TPTE: variants seen among roughly 807,000 people sequenced by gnomAD.
The protein encoded by TPTE is transmembrane phosphatase with tensin homology.
A neutral mutation model predicts 84.1 loss-of-function variants in TPTE; 59 were observed. The ratio of observed to expected loss-of-function variants is 0.70; its 90% CI spans 0.57 to 0.87. The LOEUF (loss-of-function observed/expected upper bound fraction) is 0.87, where lower values mean the gene tolerates loss of function less well. TPTE is among the 40% of genes least tolerant of loss of function. TPTE has a pLI of 0.00. For synonymous variants in TPTE, 130 were observed against 223.5 expected (o/e 0.58, Z 3.73); for missense variants, 382 against 659.6 (o/e 0.58, Z 4.61).
intron 19 of TPTE, among the ~76,000 whole-genome samples, chr21:10,593,526 G>A (rs2075525060): frequency 6.6e-6 from 1 of 152,428 alleles, no homozygotes; most frequent in South Asian, 2.1e-4. Flanking sequence ...CAGAAACCAG[G>A]ATGTTTATCC....
chr21:10,555,808 A>T (rs541010518), intron 8 of TPTE, among the ~76,000 whole-genome samples: 1 of 152,428 alleles, frequency 6.6e-6, no homozygotes, highest in African/African-American at 2.4e-5. Context: ...ATCAATGTTT[A>T]TATTTAAATG....
At chr21:10,552,584 A>G (rs1350071114) in intron 7 of TPTE, 73 bp from the exon 8 acceptor site, 4 of 1,605,228 alleles carry the variant, frequency 2.5e-6, no homozygotes, top group Admixed American at 1.7e-5. Flanking sequence ...TGCTATTCAA[A>G]TATATTTTTC....
At chr21:10,547,177 T>C (rs1156394444) in intron 7 of TPTE, among the ~76,000 whole-genome samples, 1 of 152,310 alleles carries the variant, frequency 6.6e-6, no homozygotes, top group African/African-American at 2.4e-5. Flanking sequence ...TTATGCTAAA[T>C]CAAGCAAGAT....
At chr21:10,567,973 G>A in intron 11 of TPTE, among the ~76,000 whole-genome samples, 184 bp downstream of exon 11, 1 of 152,426 alleles carries the variant, frequency 6.6e-6, no homozygotes. Context: ...TGATATTTAG[G>A]GACCGGTGAA....
chr21:10,534,575 C>T (rs1452345878), intron 3 of TPTE, among the ~76,000 whole-genome samples: 1 of 152,302 alleles, frequency 6.6e-6, no homozygotes, highest in African/African-American at 2.4e-5. Flanking sequence ...TTCTTTAGCT[C>T]TGACCCAAAT....
At position 10,569,739 on chromosome 21, in the gene TPTE, C is replaced by T. The variant is rs112131828; in HGVS notation, c.723C>T (p.Tyr241=). The change falls in exon 13 of 24, where the codon TAC becomes TAT. Residue 241 remains tyrosine (Y), a synonymous_variant. Coordinates refer to ENST00000618007, the MANE Select transcript of TPTE (RefSeq NM_199261.4). The part of the protein sequence containing the change: ...TRDGFDLDLT[Y]VTERIIAMSF... ...ATGGATTTGACCTAGACCTCACTTACGTTACAGGTTTGTGACACTTAACCG... is the reference window on the plus strand; with the variant it reads ...ATGGATTTGACCTAGACCTCACTTATGTTACAGGTTTGTGACACTTAACCG... 2.0e-5 allele frequency: 33 copies of T among 1,613,940 alleles called. No individual in the cohort carries two copies. The highest frequency in any genetic ancestry group is 1.5e-4 in the African/African-American group (11 of 75,052).
chr21:10,599,831 G>GTTAGTTGTTTCT (rs774194351), intron 21 of TPTE, among the ~76,000 whole-genome samples: 4,627 of 135,002 alleles, frequency 0.034, no homozygotes, highest in African/African-American at 0.051. Context: ...TAGTTAGTTG[G>GTTAGTTGTTTCT]TTCTTTCTTT....
rs774840971 is a variant in TPTE, at chr21:10,570,508, C to T, written c.754C>T (p.Pro252Ser). 8.7e-6 allele frequency: 14 copies of T among 1,614,128 alleles called. No individual in the cohort carries two copies. The Admixed American group carries it at 2.3e-4, about 27-fold the overall frequency. Reference sequence around the variant, plus strand: ...AGAACGTATTATTGCTATGTCATTTCCATCTTCTGGAAGGCAGTCTTTCTA... The same window carrying T: ...AGAACGTATTATTGCTATGTCATTTTCATCTTCTGGAAGGCAGTCTTTCTA... ...VTERIIAMSFPSSGRQSFYRN... is the reference protein window; with the variant it reads ...VTERIIAMSFSSSGRQSFYRN... Residue 252 changes from proline (P) to serine (S), a missense_variant, in exon 14 of 24, where the codon CCA becomes TCA. Pro to Ser is a moderately conservative substitution (Grantham distance 74). This residue lies in a region of TPTE where 85 missense variants were observed against 230.9 expected (regional missense o/e 0.37). Coordinates refer to ENST00000618007, the MANE Select transcript of TPTE (RefSeq NM_199261.4).
intron 2 of TPTE, among the ~76,000 whole-genome samples, chr21:10,526,068 T>C (rs1416861603): frequency 1.3e-5 from 2 of 152,308 alleles, no homozygotes; most frequent in Non-Finnish European, 2.9e-5. Flanking sequence ...CCTGTTATGA[T>C]TTATTAGTGT....
intron 3 of TPTE, among the ~76,000 whole-genome samples, chr21:10,528,401 G>C (rs1398480017): frequency 1.3e-5 from 2 of 152,308 alleles, no homozygotes; most frequent in Non-Finnish European, 2.9e-5. Flanking sequence ...ATAGTTTTCT[G>C]GACACTGATT....
chr21:10,579,681 T>A (rs1385948102), intron 17 of TPTE, among the ~76,000 whole-genome samples: 1 of 152,308 alleles, frequency 6.6e-6, no homozygotes, highest in Non-Finnish European at 1.5e-5. Flanking sequence ...CATAATGTTC[T>A]CCAGGTTCGT....
At chr21:10,601,426 C>T (rs1414398629) in intron 21 of TPTE, among the ~76,000 whole-genome samples, 2 of 152,300 alleles carry the variant, frequency 1.3e-5, no homozygotes, top group Non-Finnish European at 2.9e-5. Flanking sequence ...TCAGCTGAAC[C>T]TGGGAGGCAG....
At chr21:10,562,647 T>C (rs1268392738) in intron 10 of TPTE, among the ~76,000 whole-genome samples, 4 of 152,304 alleles carry the variant, frequency 2.6e-5, no homozygotes, top group Non-Finnish European at 5.9e-5. Context: ...TTAGAGTCTT[T>C]TAATAGCAGA....
chr21:10,597,076 T>TGTAG (rs2075602117), intron 20 of TPTE, among the ~76,000 whole-genome samples: 1 of 152,280 alleles, frequency 6.6e-6, no homozygotes, highest in African/African-American at 2.4e-5. Context: ...TTAAAATCAA[T>TGTAG]GTAGAGTTGA....
At position 10,605,678 on chromosome 21, in the gene TPTE, T is replaced by C. The variant is rs1205253111; in HGVS notation, c.*126T>C. 13 of 1,471,312 alleles carry C rather than the reference T, an allele frequency of 8.8e-6. No homozygotes were observed. The highest frequency in any genetic ancestry group is 5.1e-5 in the Admixed American group (2 of 39,270). The allele number at this position is 1,471,312 out of a possible 1,614,324, so 91.1% of individuals were successfully genotyped here. Reference sequence around the variant, plus strand: ...TTATTTATGTTTATATATGTTTATATATGTTCTTCATAAATCTATTACATA... The same window carrying C: ...TTATTTATGTTTATATATGTTTATACATGTTCTTCATAAATCTATTACATA... On this transcript the variant is annotated 3_prime_UTR_variant, in exon 24 of 24. Coordinates refer to ENST00000618007, the MANE Select transcript of TPTE (RefSeq NM_199261.4).
chr21:10,553,925 C>T (rs1363832830), intron 8 of TPTE, among the ~76,000 whole-genome samples: 2 of 152,304 alleles, frequency 1.3e-5, no homozygotes, highest in Admixed American at 6.5e-5. Context: ...CTCTGTAGTT[C>T]TGTAAATAGG....
In TPTE at chr21:10,531,428, A is replaced by G. The variant is rs1479671405; in HGVS notation, c.-44+4016A>G. 5.6e-4 allele frequency among the ~76,000 whole-genome samples: 85 copies of G among 152,382 alleles called. No homozygotes were observed. The South Asian group carries it at 0.016, about 29-fold the overall frequency. On this transcript the variant is annotated intron_variant, in intron 3 of 23. Coordinates refer to ENST00000618007, the MANE Select transcript of TPTE (RefSeq NM_199261.4). Reference sequence around the variant, plus strand: ...AGTTCCCCTTCATCTTCCACCATAAATGGGAGCAGCCTCAGAAGCAGATGT... The same window carrying G: ...AGTTCCCCTTCATCTTCCACCATAAGTGGGAGCAGCCTCAGAAGCAGATGT...
chr21:10,538,979 T>G (rs1025945189), intron 4 of TPTE, among the ~76,000 whole-genome samples: 9 of 152,312 alleles, frequency 5.9e-5, no homozygotes, highest in Admixed American at 2.0e-4. Context: ...GAGTGGTTTT[T>G]AACAGGATTT....
chr21:10,601,880 C>T (rs555689439), intron 21 of TPTE, among the ~76,000 whole-genome samples, 178 bp from the exon 22 acceptor site: 141 of 152,190 alleles, frequency 9.3e-4, no homozygotes, highest in African/African-American at 2.8e-3. Context: ...TAAACACACA[C>T]GCATAAACAA....
Sources: gnomAD v4.1 joint callset for allele counts (sites outside exome capture counted in the v4.1 genomes callset) on GRCh38, gnomAD v4.1.1 for gene constraint, gnomAD v4.1.1 regional missense constraint, MANE v1.5 for transcripts, NCBI Gene and HGNC (gene_info 2026-07-23, HGNC 2026-07-21) for gene names.